RGS5: variants seen among roughly 807,000 people sequenced by gnomAD.
RGS5 encodes regulator of G protein signaling 5.
A neutral mutation model predicts 18.9 loss-of-function variants in RGS5; 20 were observed. The ratio of observed to expected loss-of-function variants is 1.06; its 90% CI spans 0.74 to 1.54. The LOEUF is 1.54. Among genes scored for constraint, RGS5 ranks in the 40% most tolerant of loss-of-function variants. The probability of loss-of-function intolerance (pLI) is 0.00; values close to 1 mark genes in which losing one functional copy is unlikely to be tolerated. For missense variants in RGS5, 201 were observed against 211.8 expected (o/e 0.95, Z 0.32); for synonymous variants, 57 against 76.2 (o/e 0.75, Z 1.31).
chr1:163,152,813 C>T (rs1357333115), intron 3 of RGS5, 97 bp from the exon 4 acceptor site: 81 of 1,142,754 alleles, frequency 7.1e-5, no homozygotes, highest in Non-Finnish European at 9.4e-5. Flanking sequence ...CAATACTCTT[C>T]TATGCACAAA....
chr1:163,285,010 G>A (rs1475177605), intron 2 of RGS5, among the ~76,000 whole-genome samples: 2 of 152,110 alleles, frequency 1.3e-5, no homozygotes, highest in African/African-American at 4.8e-5. Flanking sequence ...AAGAATGAGA[G>A]CCAAGTGAAA....
chr1:163,307,189 T>A (rs1649724834), intron 1 of RGS5, among the ~76,000 whole-genome samples: 1 of 152,180 alleles, frequency 6.6e-6, no homozygotes, highest in African/African-American at 2.4e-5. Flanking sequence ...TGCCCTTAGA[T>A]CTCTAGCTGC....
chr1:163,172,464 A>T lies in RGS5; in HGVS notation c.45-4096T>A, dbSNP rs1658346678. The T allele has an allele frequency of 3.6e-6, 5 of 1,395,666 alleles. No homozygotes were observed. The Admixed American group carries it at 1.1e-4, about 31-fold the overall frequency. 86.5% of individuals were successfully genotyped at this position (1,395,666 alleles called of 1,614,324 possible). ...ATTTTATCTATATCACTGCTTAAATAGAGTTTTTTGTGGAATGATCTAGAA... is the reference window on the plus strand; with the variant it reads ...ATTTTATCTATATCACTGCTTAAATTGAGTTTTTTGTGGAATGATCTAGAA... On this transcript the variant is annotated intron_variant, in intron 1 of 4. Coordinates refer to ENST00000313961, the MANE Select transcript of RGS5 (RefSeq NM_003617.4).
At chr1:163,245,356 C>T (rs1647900639) in intron 2 of RGS5, among the ~76,000 whole-genome samples, 1 of 152,184 alleles carries the variant, frequency 6.6e-6, no homozygotes, top group African/African-American at 2.4e-5. Flanking sequence ...TATCTTTTCC[C>T]CATGACAACT....
chr1:163,249,387 A>T (rs1054176300), intron 2 of RGS5, among the ~76,000 whole-genome samples: 1 of 152,242 alleles, frequency 6.6e-6, no homozygotes, highest in African/African-American at 2.4e-5. Context: ...ACAACATGAA[A>T]GATGACCTGT....
chr1:163,204,706 T>C (rs902893663), upstream of RGS5, among the ~76,000 whole-genome samples: 51 of 152,146 alleles, frequency 3.4e-4, 1 homozygote, highest in African/African-American at 1.2e-3. Flanking sequence ...TGAGTAAACA[T>C]CAGCAAATCA....
Position 163,180,947 on chromosome 1 carries a change from G to A in RGS5, c.45-12579C>T, listed in dbSNP as rs1213279096. ...CCGACCTCGTGATCCTCCCGCCTCC[G>A]CCTCCCAAAGTGCTGGTATTACAGG... On this transcript the variant is annotated intron_variant, in intron 1 of 4. Coordinates refer to ENST00000313961, the MANE Select transcript of RGS5 (RefSeq NM_003617.4). Among the ~76,000 whole-genome samples the A allele has an allele frequency of 3.3e-5, 5 of 152,114 alleles. No individual in the cohort carries two copies. In the South Asian group the frequency reaches 8.3e-4, roughly 25 times the overall value.
chr1:163,176,720 A>G (rs1453960955), intron 1 of RGS5, among the ~76,000 whole-genome samples: 1 of 152,222 alleles, frequency 6.6e-6, no homozygotes, highest in Non-Finnish European at 1.5e-5. Context: ...TGTTTACTGA[A>G]TGCCTACCAC....
chr1:163,207,483 T>G (rs1274503033), upstream of RGS5, among the ~76,000 whole-genome samples: 1 of 152,128 alleles, frequency 6.6e-6, no homozygotes, highest in Non-Finnish European at 1.5e-5. Flanking sequence ...TTCCCAAATA[T>G]GAAACACTTG....
intron 2 of RGS5, among the ~76,000 whole-genome samples, 153 bp downstream of exon 2, chr1:163,168,105 A>G (rs1658132459): frequency 6.6e-6 from 1 of 152,192 alleles, no homozygotes; most frequent in Non-Finnish European, 1.5e-5. Context: ...AGAAAAAAAA[A>G]AAGAGCTTCT....
chr1:163,155,795 C>A (rs1335015965), intron 3 of RGS5, among the ~76,000 whole-genome samples: 3 of 152,134 alleles, frequency 2.0e-5, no homozygotes, highest in African/African-American at 7.2e-5. Context: ...CCCTGCTGAG[C>A]CTGCACAGAG....
chr1:163,282,516 A>G (rs1369655972), intron 2 of RGS5, among the ~76,000 whole-genome samples: 1 of 152,034 alleles, frequency 6.6e-6, no homozygotes, highest in Admixed American at 6.6e-5. Context: ...CAAAACAAGC[A>G]TAGGCTAAGT....
At chr1:163,154,465 T>C (rs1657507717) in intron 3 of RGS5, among the ~76,000 whole-genome samples, 1 of 152,110 alleles carries the variant, frequency 6.6e-6, no homozygotes. Context: ...CCCTTCTTCC[T>C]GTACTTACCC....
intron 2 of RGS5, among the ~76,000 whole-genome samples, chr1:163,245,236 T>C (rs947946443): frequency 2.6e-5 from 4 of 152,216 alleles, no homozygotes; most frequent in Non-Finnish European, 5.9e-5. Context: ...TTTTCCAGCT[T>C]AATCCTCTCC....
chr1:163,291,591 GC>G (rs1433375826), intron 2 of RGS5, among the ~76,000 whole-genome samples: 1 of 152,118 alleles, frequency 6.6e-6, no homozygotes, highest in Non-Finnish European at 1.5e-5. Context: ...TCTAAGATTG[GC>G]CTTTTGAGAT....
rs116447920 is a variant in RGS5, at chr1:163,248,039, A to T, written c.-281+58194T>A. ...CACAAAGGGTATCTCATAAATATGT[A>T]GTTAGAACAGCTGGTGCTCAGCTTT... On this transcript the variant is annotated intron_variant, in intron 2 of 5. Coordinates refer to the RGS5 transcript ENST00000618415. Among the ~76,000 whole-genome samples, 330 of 152,310 alleles carry T rather than the reference A, an allele frequency of 2.2e-3. 1 individual carries two copies. The highest frequency in any genetic ancestry group is 7.8e-3 in the African/African-American group (324 of 41,572).
At chr1:163,283,882 T>C (rs1649065485) in intron 2 of RGS5, among the ~76,000 whole-genome samples, 1 of 152,180 alleles carries the variant, frequency 6.6e-6, no homozygotes. Context: ...AGGTATTCTT[T>C]TTCCAGGCAA....
intron 3 of RGS5, among the ~76,000 whole-genome samples, chr1:163,156,239 A>G (rs1169251478): frequency 1.3e-5 from 2 of 152,202 alleles, no homozygotes; most frequent in Non-Finnish European, 2.9e-5. Flanking sequence ...TCATCTGTTC[A>G]ATGGAGATAC....
Position 163,147,161 on chromosome 1 carries a change from G to A in RGS5, c.*181C>T, listed in dbSNP as rs180935415. ...AATTGAGTGGGGAAAGAAGGCCTTC[G>A]GACAGTAGATAAGTATCCAAAGCAG... On this transcript the variant is annotated 3_prime_UTR_variant, in exon 5 of 5. Coordinates refer to ENST00000313961, the MANE Select transcript of RGS5 (RefSeq NM_003617.4). 8.4e-6 allele frequency: 4 copies of A among 474,054 alleles called. No homozygotes were observed. Among genetic ancestry groups the A allele is most frequent in the Admixed American group, 4.2e-5 (1 of 23,958 alleles). 29.4% of individuals were successfully genotyped at this position (474,054 alleles called of 1,614,324 possible). A position where few individuals can be genotyped will look rare whatever the true frequency, so the allele number is the denominator to read the frequency against.
Sources: allele counts gnomAD v4.1 joint callset (sites outside exome capture counted in the v4.1 genomes callset), GRCh38; gene constraint gnomAD v4.1.1; transcripts MANE v1.5; gene names NCBI Gene and HGNC (gene_info 2026-07-23, HGNC 2026-07-21).